PRKCE: variants seen among roughly 807,000 people sequenced by gnomAD.
PRKCE encodes the protein protein kinase C epsilon type.
In PRKCE, 16 loss-of-function variants were observed where a neutral mutation model predicts 85.4. The observed-to-expected ratio is 0.19, with a 90% CI of 0.13 to 0.28. The LOEUF (loss-of-function observed/expected upper bound fraction) is 0.28, where lower values mean the gene tolerates loss of function less well. PRKCE is among the 10% of genes least tolerant of loss of function. The probability of loss-of-function intolerance (pLI) is 1.00; values close to 1 mark genes in which losing one functional copy is unlikely to be tolerated. For missense variants in PRKCE, 573 were observed against 975.2 expected, an observed-to-expected ratio of 0.59 and a Z score of 5.49; for synonymous variants, 388 against 371.5, an observed-to-expected ratio of 1.04 and a Z score of -0.51.
At chr2:45,673,679 A>G (rs954727100) in intron 1 of PRKCE, among the ~76,000 whole-genome samples, 2 of 152,246 alleles carry the variant, frequency 1.3e-5, no homozygotes, top group Non-Finnish European at 2.9e-5. Context: ...AGTGTTGTTT[A>G]TAGACACTTG....
intron 2 of PRKCE, among the ~76,000 whole-genome samples, chr2:45,850,412 A>G (rs947393049): frequency 6.6e-6 from 1 of 152,164 alleles, no homozygotes; most frequent in Non-Finnish European, 1.5e-5. Context: ...TCCTATAAAG[A>G]AGATTGTTTC....
chr2:45,916,032 A>G (rs575678827), intron 2 of PRKCE, among the ~76,000 whole-genome samples: 1 of 152,230 alleles, frequency 6.6e-6, no homozygotes, highest in Non-Finnish European at 1.5e-5. Context: ...TAGAACTTGG[A>G]GAGTTTAGGA....
intron 1 of PRKCE, among the ~76,000 whole-genome samples, chr2:45,834,211 G>A (rs947179570): frequency 3.3e-5 from 5 of 152,156 alleles, no homozygotes; most frequent in African/African-American, 1.2e-4. Context: ...GAAGATAATG[G>A]CTGCTGCTAA....
At chr2:46,128,236 A>C (rs1468826980) in intron 11 of PRKCE, among the ~76,000 whole-genome samples, 1 of 152,202 alleles carries the variant, frequency 6.6e-6, no homozygotes, top group African/African-American at 2.4e-5. Context: ...ACAAAAAAAA[A>C]AGAGTAGATA....
intron 11 of PRKCE, among the ~76,000 whole-genome samples, chr2:46,109,009 T>C (rs993796213): frequency 6.6e-6 from 1 of 152,150 alleles, no homozygotes; most frequent in Admixed American, 6.5e-5. Context: ...CAGTTGGCTG[T>C]ATTTGAGTCT....
intron 2 of PRKCE, among the ~76,000 whole-genome samples, chr2:45,884,997 A>ATT (rs1360794938): frequency 8.6e-5 from 6 of 69,636 alleles, no homozygotes; most frequent in Non-Finnish European, 1.7e-4. Context: ...ATATATATAT[A>ATT]TATATTTGTT....
intron 10 of PRKCE, among the ~76,000 whole-genome samples, chr2:46,018,935 T>A (rs1220250980): frequency 6.6e-6 from 1 of 152,232 alleles, no homozygotes; most frequent in African/African-American, 2.4e-5. Flanking sequence ...ATGTTAGCAG[T>A]GAATGGACCG....
At chr2:46,025,633 C>G (rs1235199880) in intron 10 of PRKCE, among the ~76,000 whole-genome samples, 1 of 152,214 alleles carries the variant, frequency 6.6e-6, no homozygotes. Flanking sequence ...TGCTCTCACT[C>G]TCTCCCTCTG....
chr2:46,083,881 A>G (rs1669336588), intron 10 of PRKCE, among the ~76,000 whole-genome samples: 1 of 152,226 alleles, frequency 6.6e-6, no homozygotes, highest in African/African-American at 2.4e-5. Flanking sequence ...TATATTGCAC[A>G]GATGCAAGAT....
rs1196809155 is a variant in PRKCE, at chr2:46,134,787, C to G, written c.1593-10306C>G. ...TGTTTTGATGACCAAGTTGATTGGC[C>G]TGGAGAGAGATAGGGGAACTAGGTG... On this transcript the variant is annotated intron_variant, in intron 11 of 14. Coordinates refer to ENST00000306156, the MANE Select transcript of PRKCE (RefSeq NM_005400.3). 2.0e-5 allele frequency among the ~76,000 whole-genome samples: 3 copies of G among 152,202 alleles called. 1 individual carries two copies. The highest frequency in any genetic ancestry group is 4.4e-5 in the Non-Finnish European group (3 of 68,030).
intron 2 of PRKCE, among the ~76,000 whole-genome samples, chr2:45,920,004 C>T (rs1698133488): frequency 6.6e-6 from 1 of 152,166 alleles, no homozygotes; most frequent in Non-Finnish European, 1.5e-5. Context: ...CATCCTGGCC[C>T]TGCCAGTTAC....
intron 1 of PRKCE, among the ~76,000 whole-genome samples, chr2:45,764,514 G>A (rs1684756919): frequency 6.6e-6 from 1 of 152,224 alleles, no homozygotes; most frequent in African/African-American, 2.4e-5. Flanking sequence ...ATGTGAAAGT[G>A]AATATCTGCA....
At chr2:46,150,093 T>TC (rs1461836816) in intron 12 of PRKCE, among the ~76,000 whole-genome samples, 2 of 151,990 alleles carry the variant, frequency 1.3e-5, no homozygotes, top group African/African-American at 4.8e-5. Context: ...CAAGTGATCC[T>TC]CCCACCTCAG....
intron 2 of PRKCE, among the ~76,000 whole-genome samples, chr2:45,864,823 GATTC>G (rs2105692355): frequency 6.6e-6 from 1 of 152,272 alleles, no homozygotes; most frequent in East Asian, 1.9e-4. Flanking sequence ...TGGAGCTCTG[GATTC>G]ATAGCAATAT....
chr2:45,914,793 T>C (rs1697639855), intron 2 of PRKCE, among the ~76,000 whole-genome samples: 1 of 152,248 alleles, frequency 6.6e-6, no homozygotes, highest in African/African-American at 2.4e-5. Context: ...ATGCCATGTA[T>C]AGCTATGTAG....
At position 45,700,965 on chromosome 2, in the gene PRKCE, C is replaced by G. The variant is rs567860231; in HGVS notation, c.348+48517C>G. On this transcript the variant is annotated intron_variant, in intron 1 of 14. Coordinates refer to ENST00000306156, the MANE Select transcript of PRKCE (RefSeq NM_005400.3). ...GCAAGGAAGGACCCTCCTTTAGATG[C>G]CTTGGAGGGAGTGTGGCCTTGCTAA... Among the ~76,000 whole-genome samples the G allele has an allele frequency of 2.0e-5, 3 of 152,236 alleles. No homozygotes were observed. In the South Asian group the frequency reaches 6.2e-4, roughly 32 times the overall value.
At chr2:45,683,510 A>G (rs17033987) in intron 1 of PRKCE, among the ~76,000 whole-genome samples, 4,387 of 152,234 alleles carry the variant, frequency 0.029, 220 homozygotes, top group African/African-American at 0.1. Flanking sequence ...TCTAGACCCA[A>G]CTGTGGGCTT....
At chr2:45,985,462 G>T (rs1261742531) in intron 6 of PRKCE, among the ~76,000 whole-genome samples, 1 of 151,942 alleles carries the variant, frequency 6.6e-6, no homozygotes, top group Non-Finnish European at 1.5e-5. Context: ...TACTAGGCAG[G>T]GATATTGCAT....
chr2:46,015,691 C>CAAAAAAAAAAAAAAAAAAAAAAA (rs749060776), intron 10 of PRKCE, among the ~76,000 whole-genome samples: 14 of 80,786 alleles, frequency 1.7e-4, no homozygotes, highest in East Asian at 3.7e-4. Context: ...AACACTAAAC[C>CAAAAAAAAAAAAAAAAAAAAAAA]AAAAAAAAAA....
Sources: gnomAD v4.1 joint callset for allele counts (sites outside exome capture counted in the v4.1 genomes callset) on GRCh38, gnomAD v4.1.1 for gene constraint, MANE v1.5 for transcripts, NCBI Gene and HGNC (gene_info 2026-07-23, HGNC 2026-07-21) for gene names.